The following GRK5 variants were observed in gnomAD, a reference collection of about 807,000 sequenced individuals.
The protein encoded by GRK5 is G protein-coupled receptor kinase 5.
A neutral mutation model predicts 78.4 loss-of-function variants in GRK5; 40 were observed. That is an observed-to-expected ratio of 0.51 (90% confidence interval 0.40 to 0.66). The LOEUF (loss-of-function observed/expected upper bound fraction) is 0.66, where lower values mean the gene tolerates loss of function less well. Among genes scored for constraint, GRK5 ranks in the 30% least tolerant of loss-of-function variants. GRK5 has a pLI of 0.00. For synonymous variants in GRK5, 289 were observed against 296.8 expected (o/e 0.97, Z 0.27); for missense variants, 598 against 759.9 (o/e 0.79, Z 2.50).
intron 2 of GRK5, among the ~76,000 whole-genome samples, chr10:119,341,312 CAG>C (rs1850976717): frequency 6.6e-6 from 1 of 152,244 alleles, no homozygotes; most frequent in Admixed American, 6.5e-5. Flanking sequence ...GCTGTCAGGA[CAG>C]AGTCCAGAGG....
chr10:119,360,101 G>A (rs1015639879), intron 2 of GRK5, among the ~76,000 whole-genome samples: 2 of 151,188 alleles, frequency 1.3e-5, no homozygotes, highest in African/African-American at 4.9e-5. Context: ...AGGCTGAGGA[G>A]GCCGAGGGAA....
chr10:119,265,194 C>G (rs555503005), intron 1 of GRK5, among the ~76,000 whole-genome samples: 4 of 152,174 alleles, frequency 2.6e-5, no homozygotes, highest in Non-Finnish European at 5.9e-5. Flanking sequence ...GCTTTCTGTT[C>G]GTTAGTTTTT....
chr10:119,435,358 C>T (rs541857786), intron 8 of GRK5, among the ~76,000 whole-genome samples: 1 of 152,212 alleles, frequency 6.6e-6, no homozygotes, highest in African/African-American at 2.4e-5. Flanking sequence ...CCTTTATGCT[C>T]TCCTTCCCTT....
intron 4 of GRK5, among the ~76,000 whole-genome samples, chr10:119,417,697 G>A (rs1404126157): frequency 6.6e-6 from 1 of 152,164 alleles, no homozygotes; most frequent in South Asian, 2.1e-4. Flanking sequence ...CGACCTACGC[G>A]GCATGATACG....
chr10:119,208,460 A>G (rs1848427330), intron 1 of GRK5: 1 of 157,724 alleles, frequency 6.3e-6, no homozygotes, highest in Non-Finnish European at 1.4e-5. Context: ...GATGTTTCTT[A>G]GGGAAATCCC....
At chr10:119,261,122 G>A (rs1317264978) in intron 1 of GRK5, among the ~76,000 whole-genome samples, 12 of 145,040 alleles carry the variant, frequency 8.3e-5, no homozygotes, top group Admixed American at 3.4e-4. Flanking sequence ...CCGGGCGGAG[G>A]GGTTCCTCAC....
chr10:119,340,380 G>A (rs1850963985), intron 2 of GRK5, among the ~76,000 whole-genome samples: 1 of 152,156 alleles, frequency 6.6e-6, no homozygotes, highest in African/African-American at 2.4e-5. Flanking sequence ...GCCCACCTCA[G>A]CCTCCCAAAG....
rs1006473890 is a variant in GRK5, at chr10:119,378,313, C to A, written c.149-2502C>A. ...GGAGACTGCGCCCACGGCTGAAGGG[C>A]AGAGTTTAGGCTGCAGTCCAGGGCT... On this transcript the variant is annotated intron_variant, in intron 2 of 15. Transcript: ENST00000392870. The surrounding 1 kb of genome is among the most constrained non-coding windows in gnomAD (Gnocchi z 4.5). Among the ~76,000 whole-genome samples, 14 of 152,186 alleles carry A rather than the reference C, an allele frequency of 9.2e-5. No homozygotes were observed. Among genetic ancestry groups the A allele is most frequent in the Non-Finnish European group, 2.1e-4 (14 of 68,046 alleles).
intron 4 of GRK5, among the ~76,000 whole-genome samples, chr10:119,409,027 C>G (rs1852289128): frequency 6.6e-6 from 1 of 152,296 alleles, no homozygotes; most frequent in South Asian, 2.1e-4. Context: ...AGGGGGCAAG[C>G]AGCAAGGCCG....
intron 1 of GRK5, among the ~76,000 whole-genome samples, chr10:119,295,189 CAAAAAAA>C (rs35333246): frequency 8.6e-5 from 7 of 81,098 alleles, no homozygotes; most frequent in Non-Finnish European, 1.2e-4. Context: ...GACTCAGTCT[CAAAAAAA>C]AAAAAAAAAA....
intron 1 of GRK5, among the ~76,000 whole-genome samples, chr10:119,275,045 G>A (rs796268695): frequency 1.1e-4 from 17 of 152,314 alleles, no homozygotes; most frequent in African/African-American, 4.1e-4. Context: ...GCTCATGATA[G>A]ACCCAGCCTC....
intron 6 of GRK5, among the ~76,000 whole-genome samples, chr10:119,425,524 A>G (rs1852661673): frequency 6.6e-6 from 1 of 152,200 alleles, no homozygotes; most frequent in South Asian, 2.1e-4. Context: ...TTCTGCAAGT[A>G]CATCCAGAGA....
At position 119,452,303 on chromosome 10, in the gene GRK5, G is replaced by T. The variant is rs901988957; in HGVS notation, c.1405-368G>T. The T allele has an allele frequency of 4.0e-6, 1 of 250,540 alleles. No homozygotes were observed. The highest frequency in any genetic ancestry group is 4.8e-5 in the Admixed American group (1 of 20,640). The allele number at this position is 250,540 out of a possible 1,614,324, so 15.5% of individuals were successfully genotyped here. On this transcript the variant is annotated intron_variant, in intron 13 of 15. Transcript: ENST00000392870. This position sits in a 1 kb window ranked among gnomAD's most constrained non-coding sequence, Gnocchi z 4.4. ...CTCTAGCCCACGTCTGTCCAGTATG[G>T]GTAAGGGAGTGATGGCAGGAATGAG... is the stretch of plus-strand genomic sequence containing the variant.
At chr10:119,429,706 T>A (rs1852776651) in intron 6 of GRK5, among the ~76,000 whole-genome samples, 1 of 152,028 alleles carries the variant, frequency 6.6e-6, no homozygotes. Context: ...GATCTTCTCA[T>A]GTTCCTCATC....
Position 119,238,077 on chromosome 10 carries a change from G to A in GRK5, c.52+30108G>A, listed in dbSNP as rs1848962340. On this transcript the variant is annotated intron_variant, in intron 1 of 15. Transcript: ENST00000392870. The surrounding 1 kb of genome is among the most constrained non-coding windows in gnomAD (Gnocchi z 4.7). ...GAGGGGGTGCTGATCTAGGGAGGAAGGAGGTTGCTTTCTGTGTGCGTGTTT... is the reference window on the plus strand; with the variant it reads ...GAGGGGGTGCTGATCTAGGGAGGAAAGAGGTTGCTTTCTGTGTGCGTGTTT... Among the ~76,000 whole-genome samples, 1 of 152,166 alleles carries A rather than the reference G, an allele frequency of 6.6e-6. No homozygotes were observed.
intron 4 of GRK5, among the ~76,000 whole-genome samples, chr10:119,417,761 G>A (rs1852490531): frequency 6.6e-6 from 1 of 152,190 alleles, no homozygotes; most frequent in Non-Finnish European, 1.5e-5. Context: ...AAGGAGGGGA[G>A]AGGCTTAGAG....
intron 4 of GRK5, among the ~76,000 whole-genome samples, chr10:119,415,981 G>A (rs1023505663): frequency 4.6e-5 from 7 of 152,180 alleles, no homozygotes; most frequent in African/African-American, 1.7e-4. Context: ...CGAGTATCAG[G>A]CCTGTGTTTC....
intron 3 of GRK5, among the ~76,000 whole-genome samples, chr10:119,394,218 A>AT (rs1851948130): frequency 1.4e-5 from 1 of 72,240 alleles, no homozygotes; most frequent in Non-Finnish European, 2.7e-5. Flanking sequence ...GTGTGTGGGT[A>AT]CGTGTGGGTG....
At chr10:119,406,537 C>T (rs1409871993) in intron 4 of GRK5, 2 of 908,722 alleles carry the variant, frequency 2.2e-6, no homozygotes, top group East Asian at 2.4e-4. Context: ...CTGGACCCGG[C>T]TCTTCATCTC....
Sources: gnomAD v4.1 joint callset for allele counts (sites outside exome capture counted in the v4.1 genomes callset) on GRCh38, gnomAD v4.1.1 for gene constraint, Gnocchi (gnomAD v3.1) non-coding constraint, MANE v1.5 for transcripts, NCBI Gene and HGNC (gene_info 2026-07-23, HGNC 2026-07-21) for gene names.